The following PCGF5 variants were observed in gnomAD, a reference collection of about 807,000 sequenced individuals.
The protein encoded by PCGF5 is polycomb group RING finger protein 5.
In PCGF5, 9 loss-of-function variants were observed where a neutral mutation model predicts 44.3. The ratio of observed to expected loss-of-function variants is 0.20; its 90% CI spans 0.12 to 0.35. The LOEUF (loss-of-function observed/expected upper bound fraction) is 0.35. PCGF5 is among the 10% of genes least tolerant of loss of function. The probability of loss-of-function intolerance (pLI) is 1.00; values close to 1 mark genes in which losing one functional copy is unlikely to be tolerated. For missense variants in PCGF5, 146 were observed against 305.3 expected (o/e 0.48, Z 3.89); for synonymous variants, 95 against 102.5 (o/e 0.93, Z 0.44).
intron 1 of PCGF5, among the ~76,000 whole-genome samples, chr10:91,208,941 G>C (rs1405889005): frequency 1.3e-5 from 2 of 152,174 alleles, no homozygotes; most frequent in African/African-American, 4.8e-5. Context: ...CATTTTTCTT[G>C]CTCTACAGGA....
At chr10:91,236,453 G>A (rs1845165818) in intron 2 of PCGF5, among the ~76,000 whole-genome samples, 1 of 152,188 alleles carries the variant, frequency 6.6e-6, no homozygotes, top group African/African-American at 2.4e-5. Flanking sequence ...TGACCCAGGT[G>A]CTTCTTATGG....
intron 1 of PCGF5, among the ~76,000 whole-genome samples, chr10:91,186,121 C>G (rs796283676): frequency 2.6e-5 from 4 of 152,304 alleles, no homozygotes; most frequent in African/African-American, 9.6e-5. Context: ...AGCTCAAGTT[C>G]AAGTAAATTT....
intron 1 of PCGF5, among the ~76,000 whole-genome samples, chr10:91,196,387 A>G (rs554653723): frequency 6.6e-6 from 1 of 152,364 alleles, no homozygotes; most frequent in Admixed American, 6.5e-5. Context: ...AAACCTGTGC[A>G]TGCACATTGA....
At chr10:91,170,051 G>A (rs1843575397) in intron 1 of PCGF5, among the ~76,000 whole-genome samples, 1 of 152,164 alleles carries the variant, frequency 6.6e-6, no homozygotes, top group African/African-American at 2.4e-5. Flanking sequence ...GGGTGAGGCT[G>A]AAACAACTGG....
At position 91,283,828 on chromosome 10, in the gene PCGF5, T is replaced by G. The variant is rs1846509828; in HGVS notation, c.*5512T>G. 1.3e-5 allele frequency: 2 copies of G among 152,654 alleles called. No individual in the cohort carries two copies. Among genetic ancestry groups the G allele is most frequent in the Admixed American group, 1.3e-4 (2 of 15,282 alleles). 9.5% of individuals were successfully genotyped at this position (152,654 alleles called of 1,614,324 possible). On this transcript the variant is annotated 3_prime_UTR_variant, in exon 10 of 10. Coordinates refer to ENST00000336126, the MANE Select transcript of PCGF5 (RefSeq NM_032373.5). Reference sequence around the variant, plus strand: ...ATATTGTAAAGTTATGTTGCTAATTTTCCTTTGAAATATAAAATATTTTAA... The same window carrying G: ...ATATTGTAAAGTTATGTTGCTAATTGTCCTTTGAAATATAAAATATTTTAA...
chr10:91,220,103 A>T (rs559101680), upstream of PCGF5: 1 of 152,186 alleles, frequency 6.6e-6, no homozygotes, highest in African/African-American at 2.4e-5. Flanking sequence ...TGAACGTTGC[A>T]AACAGTAATG....
chr10:91,262,614 G>A (rs1589405914), intron 7 of PCGF5, among the ~76,000 whole-genome samples: 1 of 152,150 alleles, frequency 6.6e-6, no homozygotes, highest in Admixed American at 6.5e-5. Context: ...TGAGGAAGCC[G>A]CTGATCCTGA....
At chr10:91,257,576 C>T (rs1326208460) in intron 6 of PCGF5, among the ~76,000 whole-genome samples, 1 of 152,010 alleles carries the variant, frequency 6.6e-6, no homozygotes, top group African/African-American at 2.4e-5. Context: ...AGCTAAGTCA[C>T]TAATGGACAG....
intron 5 of PCGF5, among the ~76,000 whole-genome samples, chr10:91,249,789 C>CAAA (rs143510557): frequency 2.0e-5 from 3 of 151,660 alleles, no homozygotes; most frequent in African/African-American, 7.3e-5. Flanking sequence ...ACAACAACAA[C>CAAA]AAAAAAATGG....
At chr10:91,274,039 A>G (rs1294644837) in intron 9 of PCGF5, among the ~76,000 whole-genome samples, 4 of 151,924 alleles carry the variant, frequency 2.6e-5, no homozygotes, top group Admixed American at 2.0e-4. Context: ...AGATTCATCA[A>G]TTAACATTTT....
chr10:91,213,660 A>G (rs1215407465), intron 1 of PCGF5, among the ~76,000 whole-genome samples: 1 of 114,534 alleles, frequency 8.7e-6, no homozygotes, highest in African/African-American at 3.3e-5. Flanking sequence ...TCTTTTTTGT[A>G]TTTTTAGTAG....
At chr10:91,195,814 A>G (rs924434076) in intron 1 of PCGF5, among the ~76,000 whole-genome samples, 1 of 151,712 alleles carries the variant, frequency 6.6e-6, no homozygotes, top group Admixed American at 6.6e-5. Context: ...ACAGGGGCTT[A>G]GGGGCAATTA....
At chr10:91,167,879 C>CTCA (rs2133161852) in intron 1 of PCGF5, among the ~76,000 whole-genome samples, 1 of 152,114 alleles carries the variant, frequency 6.6e-6, no homozygotes, top group African/African-American at 2.4e-5. Flanking sequence ...ATGAGTTGGG[C>CTCA]AAGATACTAT....
intron 9 of PCGF5, among the ~76,000 whole-genome samples, chr10:91,273,695 G>A (rs916540109): frequency 4.6e-5 from 7 of 151,902 alleles, no homozygotes; most frequent in East Asian, 1.9e-4. Flanking sequence ...CTTCCACTTT[G>A]CCATTCTTAA....
At chr10:91,158,179 A>G (rs1843342937), upstream of PCGF5, among the ~76,000 whole-genome samples, 1 of 152,232 alleles carries the variant, frequency 6.6e-6, no homozygotes, top group South Asian at 2.1e-4. Flanking sequence ...CTTTATTTAT[A>G]GGAGAGATAA....
intron 1 of PCGF5, among the ~76,000 whole-genome samples, chr10:91,213,865 A>G (rs1171362764): frequency 6.6e-6 from 1 of 152,120 alleles, no homozygotes; most frequent in Non-Finnish European, 1.5e-5. Flanking sequence ...AATGCCTGCT[A>G]TGGGTTGAAT....
intron 1 of PCGF5, among the ~76,000 whole-genome samples, chr10:91,200,944 G>C (rs1200431862): frequency 1.3e-5 from 2 of 152,138 alleles, no homozygotes; most frequent in East Asian, 3.8e-4. Flanking sequence ...AAGTGGAAAG[G>C]GGGAGGGTCA....
intron 9 of PCGF5, among the ~76,000 whole-genome samples, chr10:91,275,607 A>ATTTTTTTTTTTT (rs72439811): frequency 3.1e-5 from 4 of 128,872 alleles, no homozygotes; most frequent in Admixed American, 7.9e-5. Flanking sequence ...TGCCCGGCTA[A>ATTTTTTTTTTTT]TTTTTTTTTT....
In PCGF5 at chr10:91,284,139, G is replaced by A. The variant is rs186252705; in HGVS notation, c.*5823G>A. 1.2e-3 allele frequency: 188 copies of A among 150,892 alleles called. 1 individual carries two copies. Among genetic ancestry groups the A allele is most frequent in the Middle Eastern group, 3.5e-3 (1 of 288 alleles). 9.3% of individuals were successfully genotyped at this position (150,892 alleles called of 1,614,324 possible). A position where few individuals can be genotyped will look rare whatever the true frequency, so the allele number is the denominator to read the frequency against. ...TTTCTGTTGATCTATGGAATGTTCT[G>A]TACAAAGCTGTATAATTGTACTGTT... On this transcript the variant is annotated 3_prime_UTR_variant, in exon 10 of 10. Transcript: ENST00000336126.
Sources: allele counts gnomAD v4.1 joint callset (sites outside exome capture counted in the v4.1 genomes callset), GRCh38; gene constraint gnomAD v4.1.1; transcripts MANE v1.5; gene names NCBI Gene and HGNC (gene_info 2026-07-23, HGNC 2026-07-21).